Variants in TRIO observed in about 807,000 individuals in gnomAD.
TRIO encodes trio Rho guanine nucleotide exchange factor.
In TRIO, 58 loss-of-function variants were observed where a neutral mutation model predicts 351.9. The observed-to-expected ratio is 0.16, with a 90% CI of 0.13 to 0.21. The LOEUF (loss-of-function observed/expected upper bound fraction) is 0.21, where lower values mean the gene tolerates loss of function less well. Ranked by LOEUF, TRIO falls within the 10% of genes least tolerant of loss-of-function variation. The probability of loss-of-function intolerance (pLI) is 1.00; values close to 1 mark genes in which losing one functional copy is unlikely to be tolerated. For missense variants in TRIO, 3,201 were observed against 4,027.8 expected, an observed-to-expected ratio of 0.79 and a Z score of 5.56; for synonymous variants, 1,758 against 1,595.7, an observed-to-expected ratio of 1.10 and a Z score of -2.42.
intron 10 of TRIO, 35 bp downstream of exon 10, chr5:14,330,935 A>G: frequency 6.2e-7 from 1 of 1,610,658 alleles, no homozygotes; most frequent in Non-Finnish European, 8.5e-7. Flanking sequence ...TATCCCATAA[A>G]TACCCGTGTG....
Position 14,238,129 on chromosome 5 carries a change from C to A in TRIO, c.158-32696C>A, listed in dbSNP as rs562117223. 4.5e-4 allele frequency among the ~76,000 whole-genome samples: 69 copies of A among 152,224 alleles called. No homozygotes were observed. In the South Asian group the frequency reaches 0.014, roughly 31 times the overall value. On this transcript the variant is annotated intron_variant, in intron 1 of 56. Coordinates refer to ENST00000344204, the MANE Select transcript of TRIO (RefSeq NM_007118.4). Reference sequence around the variant, plus strand: ...ATACATGAGAAAGTAAAGTTTATGTCAGTTCTCTCGAAACAGTGTACGTGT... The same window carrying A: ...ATACATGAGAAAGTAAAGTTTATGTAAGTTCTCTCGAAACAGTGTACGTGT...
chr5:14,449,833 A>T (rs1330880263), intron 34 of TRIO, among the ~76,000 whole-genome samples: 2 of 152,250 alleles, frequency 1.3e-5, no homozygotes, highest in Non-Finnish European at 2.9e-5. Context: ...GCATCTGATT[A>T]ACCAAGCAAA....
rs1382869704 is a variant in TRIO at position 14,410,377 on chromosome 5, A to G, written c.4959+3705A>G. Among the ~76,000 whole-genome samples, 3 of 152,330 alleles carry G rather than the reference A, an allele frequency of 2.0e-5. No individual in the cohort carries two copies. In the East Asian group the frequency reaches 5.8e-4, roughly 29 times the overall value. ...GAGGGTCATTAGATGACTCAAGAAC[A>G]CATTTTGAAAATCAAGGACTCCATC... On this transcript the variant is annotated intron_variant, in intron 33 of 56. Coordinates refer to ENST00000344204, the MANE Select transcript of TRIO (RefSeq NM_007118.4).
chr5:14,362,464 T>G (rs138481180), intron 13 of TRIO, among the ~76,000 whole-genome samples: 4 of 152,338 alleles, frequency 2.6e-5, no homozygotes, highest in Non-Finnish European at 4.4e-5. Flanking sequence ...GTCAGTTTCT[T>G]AATCTAGAAT....
chr5:14,489,177 C>T, intron 48 of TRIO: 2 of 587,456 alleles, frequency 3.4e-6, no homozygotes, highest in Non-Finnish European at 6.1e-6. Flanking sequence ...AAAAAAAAAT[C>T]TAGCTTTTGC....
intron 1 of TRIO, among the ~76,000 whole-genome samples, chr5:14,170,841 A>G (rs1056608666): frequency 6.6e-6 from 1 of 152,230 alleles, no homozygotes; most frequent in East Asian, 1.9e-4. Context: ...ATAATATTAC[A>G]TCTAGGGAAC....
At chr5:14,351,548 G>C (rs1169158140) in intron 11 of TRIO, among the ~76,000 whole-genome samples, 38 of 152,230 alleles carry the variant, frequency 2.5e-4, no homozygotes, top group Non-Finnish European at 1.8e-4. Context: ...AATGGCAACA[G>C]CTTCTGTTCA....
intron 1 of TRIO, among the ~76,000 whole-genome samples, chr5:14,151,368 TTGTG>T (rs200982293): frequency 8.1e-6 from 1 of 123,410 alleles, no homozygotes; most frequent in Non-Finnish European, 1.7e-5. Flanking sequence ...TGTTTTTTCA[TTGTG>T]TGTGTGTGTG....
At chr5:14,489,838 T>C (rs1467258631) in intron 48 of TRIO, among the ~76,000 whole-genome samples, 1 of 152,196 alleles carries the variant, frequency 6.6e-6, no homozygotes, top group Non-Finnish European at 1.5e-5. Context: ...TTGCTTTTGC[T>C]TTCTCTCTTT....
At chr5:14,473,087 C>T (rs1754802431) in intron 39 of TRIO, among the ~76,000 whole-genome samples, 1 of 152,182 alleles carries the variant, frequency 6.6e-6, no homozygotes, top group Admixed American at 6.5e-5. Flanking sequence ...GGTTCAGAGC[C>T]TGTACTGTGG....
At chr5:14,365,313 G>C (rs1244280008) in intron 15 of TRIO, among the ~76,000 whole-genome samples, 2 of 152,200 alleles carry the variant, frequency 1.3e-5, no homozygotes, top group Non-Finnish European at 2.9e-5. Flanking sequence ...GTGGGATTCT[G>C]TGCATGGATA....
intron 11 of TRIO, among the ~76,000 whole-genome samples, chr5:14,343,262 G>T (rs147184318): frequency 2.0e-5 from 3 of 152,274 alleles, no homozygotes; most frequent in African/African-American, 7.2e-5. Flanking sequence ...ATGTGTATGT[G>T]TGCCCATGTG....
At chr5:14,207,662 G>A (rs140964736) in intron 1 of TRIO, among the ~76,000 whole-genome samples, 58 of 152,100 alleles carry the variant, frequency 3.8e-4, no homozygotes, top group African/African-American at 1.3e-3. Context: ...AGCTGTGATC[G>A]TGCCACTGTA....
chr5:14,443,759 C>A (rs1201498732), intron 34 of TRIO, among the ~76,000 whole-genome samples: 1 of 152,216 alleles, frequency 6.6e-6, no homozygotes, highest in East Asian at 1.9e-4. Flanking sequence ...CTTACACAGA[C>A]ATGAGCCAGG....
In TRIO at chr5:14,405,982, G is replaced by A. The variant is rs1387556913; in HGVS notation, c.4851G>A (p.Lys1617=). 2.5e-6 allele frequency: 4 copies of A among 1,613,424 alleles called. No individual in the cohort carries two copies. In the South Asian group the frequency reaches 3.3e-5, roughly 13 times the overall value. ...IPKTAPATRQ[K]GRRDGEDLDS... is the part of the protein sequence containing the mutation. ...AGACCGCTCCCGCCACAAGACAGAA[G>A]GGAAGGAGGTGCGTGTCTGGGCGCC... The change falls in exon 32 of 57, where the codon AAG becomes AAA. Residue 1617 remains lysine, a synonymous_variant. Coordinates refer to ENST00000344204, the MANE Select transcript of TRIO (RefSeq NM_007118.4).
chr5:14,305,139 TCTGTTCCTG>T (rs773733005), intron 8 of TRIO, among the ~76,000 whole-genome samples: 6 of 152,356 alleles, frequency 3.9e-5, no homozygotes, highest in East Asian at 3.9e-4. Context: ...ACGTACTGTA[TCTGTTCCTG>T]CTGTTCCTGC....
At position 14,477,057 on chromosome 5, in the gene TRIO, G is replaced by C. The variant is rs1009723288; in HGVS notation, c.6153+94G>C. 4.8e-6 allele frequency: 5 copies of C among 1,051,952 alleles called. No homozygotes were observed. The African/African-American group carries it at 6.4e-5, about 14-fold the overall frequency. 65.2% of individuals were successfully genotyped at this position (1,051,952 alleles called of 1,614,324 possible). On this transcript the variant is annotated intron_variant, in intron 41 of 56. Transcript: ENST00000344204. ...AAAGGAGAACTCACTTATACTTTAT[G>C]TAAGTGCGTATGTTTAAGATAAAAT... is the stretch of plus-strand genomic sequence containing the variant.
chr5:14,313,303 C>G (rs61396062), intron 8 of TRIO, among the ~76,000 whole-genome samples: 3,506 of 152,300 alleles, frequency 0.023, 141 homozygotes, highest in African/African-American at 0.081. Context: ...TCTCAGCAGA[C>G]ATTTCCCACT....
chr5:14,490,864 C>T (rs1756431617), intron 48 of TRIO: 1 of 455,960 alleles, frequency 2.2e-6, no homozygotes, highest in Admixed American at 2.3e-5. Context: ...GCTTTGTAAT[C>T]TCAGTACTCT....
Sources: gnomAD v4.1 joint callset for allele counts (sites outside exome capture counted in the v4.1 genomes callset) on GRCh38, gnomAD v4.1.1 for gene constraint, MANE v1.5 for transcripts, NCBI Gene and HGNC (gene_info 2026-07-23, HGNC 2026-07-21) for gene names.